Variants in ZHX3 observed in about 807,000 individuals in gnomAD.
ZHX3 encodes zinc fingers and homeoboxes protein 3.
ZHX3 carries 20 observed loss-of-function variants against 64.5 expected under a neutral mutation model. The ratio of observed to expected loss-of-function variants is 0.31; its 90% CI spans 0.22 to 0.45. The LOEUF (loss-of-function observed/expected upper bound fraction) is 0.45, where lower values mean the gene tolerates loss of function less well. ZHX3 is among the 20% of genes least tolerant of loss of function. The pLI, the probability that ZHX3 is intolerant of heterozygous loss-of-function variation, is 1.00. For missense variants in ZHX3, 1,041 were observed against 1,195.8 expected (o/e 0.87, Z 1.91); for synonymous variants, 423 against 461.6 (o/e 0.92, Z 1.07).
chr20:41,197,751 T>C (rs1336680168), intron 3 of ZHX3, among the ~76,000 whole-genome samples: 1 of 152,098 alleles, frequency 6.6e-6, no homozygotes, highest in African/African-American at 2.4e-5. Flanking sequence ...ATTCCATTAC[T>C]ACCTCCTTTT....
intron 2 of ZHX3, among the ~76,000 whole-genome samples, chr20:41,233,217 CAGG>C (rs1400152746): frequency 6.6e-6 from 1 of 152,186 alleles, no homozygotes; most frequent in Non-Finnish European, 1.5e-5. Flanking sequence ...GCCCTGTGTT[CAGG>C]AGTACATTAC....
At chr20:41,303,948 G>A (rs2044899896) in intron 1 of ZHX3, among the ~76,000 whole-genome samples, 1 of 152,172 alleles carries the variant, frequency 6.6e-6, no homozygotes, top group Non-Finnish European at 1.5e-5. Flanking sequence ...AAGGTAATGT[G>A]GTGGTGGGAT....
intron 1 of ZHX3, among the ~76,000 whole-genome samples, chr20:41,308,741 G>A (rs984909837): frequency 2.6e-5 from 4 of 152,080 alleles, no homozygotes; most frequent in African/African-American, 9.7e-5. Context: ...AGGGAGAATG[G>A]GGCAGTAAGG....
At chr20:41,234,631 G>A (rs2040840630) in intron 2 of ZHX3, among the ~76,000 whole-genome samples, 1 of 152,296 alleles carries the variant, frequency 6.6e-6, no homozygotes, top group South Asian at 2.1e-4. Flanking sequence ...TTACTGCCTC[G>A]CGAGGGAAAA....
Position 41,179,594 on chromosome 20 carries a change from C to T in ZHX3, c.*5597G>A, listed in dbSNP as rs546524027. 7 of 152,146 alleles carry T rather than the reference C, an allele frequency of 4.6e-5. No homozygotes were observed. Among genetic ancestry groups the T allele is most frequent in the Admixed American group, 1.3e-4 (2 of 15,296 alleles). 9.4% of individuals were successfully genotyped at this position (152,146 alleles called of 1,614,324 possible). A position where few individuals can be genotyped will look rare whatever the true frequency, so the allele number is the denominator to read the frequency against. On this transcript the variant is annotated 3_prime_UTR_variant, in exon 4 of 4. Transcript: ENST00000683867. The surrounding 1 kb of genome is among the most constrained non-coding windows in gnomAD (Gnocchi z 4.3). ...TGTAGCTCTCTATTCAGTGACTAAA[C>T]AACCTGACATTTCACTTTTAACTCC...
intron 3 of ZHX3, among the ~76,000 whole-genome samples, chr20:41,193,921 C>T (rs560371530): frequency 2.0e-5 from 3 of 152,124 alleles, no homozygotes; most frequent in African/African-American, 7.2e-5. Flanking sequence ...AGGGTGGTCT[C>T]GATCTCTTGA....
chr20:41,286,094 A>G (rs2146715136), intron 1 of ZHX3, among the ~76,000 whole-genome samples: 1 of 152,336 alleles, frequency 6.6e-6, no homozygotes, highest in East Asian at 1.9e-4. Flanking sequence ...AATTATAAAG[A>G]CAAATAGAAA....
chr20:41,232,691 G>A lies in ZHX3; in HGVS notation c.-150-27625C>T, dbSNP rs1044198344. On this transcript the variant is annotated intron_variant, in intron 2 of 3. Coordinates refer to ENST00000683867, the MANE Select transcript of ZHX3 (RefSeq NM_001384317.1). The surrounding 1 kb of genome is among the most constrained non-coding windows in gnomAD (Gnocchi z 5.0). ...TGCAAGCTCCGCCTCCCGGGTTCAC[G>A]CCATTCTCCTGCCTCAGCCTCCCGC... Among the ~76,000 whole-genome samples, 13 of 152,036 alleles carry A rather than the reference G, an allele frequency of 8.6e-5. No homozygotes were observed. The highest frequency in any genetic ancestry group is 6.6e-4 in the Admixed American group (10 of 15,258).
intron 1 of ZHX3, among the ~76,000 whole-genome samples, chr20:41,276,861 C>A (rs1356318315): frequency 6.6e-6 from 1 of 152,222 alleles, no homozygotes; most frequent in Non-Finnish European, 1.5e-5. Context: ...TCCTACATAC[C>A]TGTCAGCATA....
intron 2 of ZHX3, among the ~76,000 whole-genome samples, chr20:41,233,717 C>G (rs971594111): frequency 9.9e-5 from 15 of 152,176 alleles, no homozygotes; most frequent in Admixed American, 9.8e-4. Context: ...AGAGACCGGA[C>G]AAGAACTATC....
In ZHX3 at chr20:41,296,232, T is replaced by TAAAAAAAAAAAAAAA. The variant is rs57987896; in HGVS notation, c.-245+21262_-245+21276dup. Among the ~76,000 whole-genome samples, 5 of 73,004 alleles carry TAAAAAAAAAAAAAAA rather than the reference T, an allele frequency of 6.8e-5. 2 individuals are homozygous for TAAAAAAAAAAAAAAA. Among genetic ancestry groups the TAAAAAAAAAAAAAAA allele is most frequent in the African/African-American group, 1.9e-4 (4 of 21,322 alleles). 47.9% of individuals were successfully genotyped at this position (73,004 alleles called of 152,430 possible). A position where few individuals can be genotyped will look rare whatever the true frequency, so the allele number is the denominator to read the frequency against. On this transcript the variant is annotated intron_variant, in intron 1 of 3. Transcript: ENST00000683867. The stretch of plus-strand genomic sequence containing the variant: ...TTCCCTTCTCCTCAAGTTCATAAAG[T>TAAAAAAAAAAAAAAA]AAAAAAAAAAAAAAAAAAAAAAAAA...
At chr20:41,186,789 G>A (rs1251762445) in intron 3 of ZHX3, among the ~76,000 whole-genome samples, 1 of 152,130 alleles carries the variant, frequency 6.6e-6, no homozygotes, top group Non-Finnish European at 1.5e-5. Flanking sequence ...ATTTTCCTAT[G>A]AGAAATGTCT....
At chr20:41,314,369 G>C (rs1347510512) in intron 1 of ZHX3, among the ~76,000 whole-genome samples, 3 of 152,144 alleles carry the variant, frequency 2.0e-5, no homozygotes, top group Non-Finnish European at 4.4e-5. Context: ...GATAAGCAGG[G>C]AGAGGAAAAG....
In ZHX3 at chr20:41,204,711, C is replaced by T. The variant is rs1056510933; in HGVS notation, c.206G>A (p.Arg69Gln). 1.5e-5 allele frequency: 25 copies of T among 1,614,130 alleles called. No homozygotes were observed. Among genetic ancestry groups the T allele is most frequent in the African/African-American group, 2.7e-5 (2 of 74,930 alleles). ...ATATAAATAGCCATCTAAAGTGCTCCGATGCCCATTGGCCAGTGTAGAGCC... is the reference window on the plus strand; with the variant it reads ...ATATAAATAGCCATCTAAAGTGCTCTGATGCCCATTGGCCAGTGTAGAGCC... ...TDGSTLANGH[R>Q]STLDGYLYSC... The change falls in exon 3 of 4, where the codon CGG becomes CAG. Residue 69 changes from arginine (R) to glutamine (Q), a missense_variant. By Grantham distance (43) the Arg-to-Gln change is conservative. This residue lies in a region of ZHX3 where 358 missense variants were observed against 369.1 expected (regional missense o/e 0.97). Coordinates refer to ENST00000683867, the MANE Select transcript of ZHX3 (RefSeq NM_001384317.1). The surrounding 1 kb of genome is among the most constrained non-coding windows in gnomAD (Gnocchi z 6.6).
intron 2 of ZHX3, among the ~76,000 whole-genome samples, chr20:41,250,622 G>C (rs996360088): frequency 3.9e-5 from 6 of 152,170 alleles, no homozygotes; most frequent in African/African-American, 1.4e-4. Context: ...AGGGCTGAAA[G>C]AGTATTCAAA....
rs549382076 is a variant in ZHX3 at position 41,224,874 on chromosome 20, G to A, written c.-150-19808C>T. Among the ~76,000 whole-genome samples the A allele has an allele frequency of 6.6e-6, 1 of 152,294 alleles. No homozygotes were observed. The highest frequency in any genetic ancestry group is 2.1e-4 in the South Asian group (1 of 4,818). On this transcript the variant is annotated intron_variant, in intron 2 of 3. Transcript: ENST00000683867. This position sits in a 1 kb window ranked among gnomAD's most constrained non-coding sequence, Gnocchi z 5.2. ...CCAAGCTGAATTATTCTCTATCACA[G>A]CATCCTAATTGTTTCTTTCATAACA...
rs999872695 is a variant in ZHX3 at position 41,228,216 on chromosome 20, A to G, written c.-150-23150T>C. Among the ~76,000 whole-genome samples, 2 of 152,158 alleles carry G rather than the reference A, an allele frequency of 1.3e-5. No individual in the cohort carries two copies. The highest frequency in any genetic ancestry group is 4.8e-5 in the African/African-American group (2 of 41,430). On this transcript the variant is annotated intron_variant, in intron 2 of 3. Coordinates refer to ENST00000683867, the MANE Select transcript of ZHX3 (RefSeq NM_001384317.1). The surrounding 1 kb of genome is among the most constrained non-coding windows in gnomAD (Gnocchi z 4.6). Reference sequence around the variant, plus strand: ...AAATCACCCTTGCCAGCCCTGACCTATCTACCAAGTTCCAAATCCATTACT... The same window carrying G: ...AAATCACCCTTGCCAGCCCTGACCTGTCTACCAAGTTCCAAATCCATTACT...
At chr20:41,186,499 G>A (rs1000147342) in intron 3 of ZHX3, among the ~76,000 whole-genome samples, 1 of 152,184 alleles carries the variant, frequency 6.6e-6, no homozygotes, top group Non-Finnish European at 1.5e-5. Flanking sequence ...TCCTTGGGGC[G>A]TATACCTAGG....
chr20:41,303,142 T>C (rs1363893322), intron 1 of ZHX3, among the ~76,000 whole-genome samples: 2 of 152,266 alleles, frequency 1.3e-5, no homozygotes, highest in African/African-American at 4.8e-5. Flanking sequence ...TTAAGGTATG[T>C]CCAAGATCCC....
Sources: allele counts gnomAD v4.1 joint callset (sites outside exome capture counted in the v4.1 genomes callset), GRCh38; gene constraint gnomAD v4.1.1; regional missense constraint gnomAD v4.1.1; non-coding constraint Gnocchi (gnomAD v3.1); transcripts MANE v1.5; gene names NCBI Gene and HGNC (gene_info 2026-07-23, HGNC 2026-07-21).